TMEM135: variants seen among roughly 807,000 people sequenced by gnomAD.
TMEM135 encodes transmembrane protein 135, also known as peroxisomal membrane protein 52.
Under a neutral mutation model 60.3 loss-of-function variants are expected in TMEM135, and 30 were observed. The ratio of observed to expected loss-of-function variants is 0.50; its 90% CI spans 0.37 to 0.68. The LOEUF (loss-of-function observed/expected upper bound fraction) is 0.68, where lower values mean the gene tolerates loss of function less well. TMEM135 is among the 30% of genes least tolerant of loss of function. The pLI, the probability that TMEM135 is intolerant of heterozygous loss-of-function variation, is 0.00. For missense variants in TMEM135, 468 were observed against 548.8 expected, an observed-to-expected ratio of 0.85 and a Z score of 1.47; for synonymous variants, 190 against 186.7, an observed-to-expected ratio of 1.02 and a Z score of -0.14.
At chr11:87,214,141 A>C (rs1211409432) in intron 5 of TMEM135, among the ~76,000 whole-genome samples, 1 of 152,160 alleles carries the variant, frequency 6.6e-6, no homozygotes, top group Non-Finnish European at 1.5e-5. Context: ...TCTGAGTCTT[A>C]ATTCTTTAAT....
intron 5 of TMEM135, among the ~76,000 whole-genome samples, chr11:87,167,665 A>T (rs1167713301): frequency 6.6e-6 from 1 of 152,074 alleles, no homozygotes; most frequent in Non-Finnish European, 1.5e-5. Flanking sequence ...AGCTGACTTG[A>T]TCATGGTGGA....
chr11:87,179,299 G>C (rs1461988536), intron 5 of TMEM135, among the ~76,000 whole-genome samples: 1 of 151,962 alleles, frequency 6.6e-6, no homozygotes, highest in Non-Finnish European at 1.5e-5. Context: ...ATAGGATTTG[G>C]GAATATATTT....
chr11:87,205,998 A>T (rs1000559330), intron 5 of TMEM135, among the ~76,000 whole-genome samples: 4 of 152,134 alleles, frequency 2.6e-5, no homozygotes, highest in African/African-American at 9.7e-5. Context: ...AATTATAATA[A>T]ATCTTTGTTT....
At chr11:87,261,658 T>G (rs1941654151) in intron 6 of TMEM135, among the ~76,000 whole-genome samples, 1 of 152,134 alleles carries the variant, frequency 6.6e-6, no homozygotes, top group Non-Finnish European at 1.5e-5. Context: ...GAGACTCGCT[T>G]TCATTTACCC....
intron 4 of TMEM135, among the ~76,000 whole-genome samples, chr11:87,124,640 T>A (rs1937675494): frequency 6.6e-6 from 1 of 152,206 alleles, no homozygotes; most frequent in Non-Finnish European, 1.5e-5. Context: ...TGTGTTGATA[T>A]ATCCTGATAT....
intron 4 of TMEM135, among the ~76,000 whole-genome samples, chr11:87,130,388 T>C (rs1937890447): frequency 6.6e-6 from 1 of 152,206 alleles, no homozygotes; most frequent in African/African-American, 2.4e-5. Context: ...AGGGCCTGGA[T>C]GAACAAACTG....
intron 5 of TMEM135, among the ~76,000 whole-genome samples, chr11:87,199,286 G>C (rs541541417): frequency 2.0e-5 from 3 of 152,320 alleles, no homozygotes; most frequent in Non-Finnish European, 4.4e-5. Flanking sequence ...GAAGAGGGTA[G>C]GTTAGAGGGA....
At chr11:87,115,380 A>G (rs2512493) in intron 4 of TMEM135, among the ~76,000 whole-genome samples, 104,894 of 151,992 alleles carry the variant, frequency 0.69, 37,546 homozygotes, top group East Asian at 0.88. Context: ...CTATCCTTAC[A>G]TTTCAAGTAG....
chr11:87,211,457 G>C (rs887717960), intron 5 of TMEM135, among the ~76,000 whole-genome samples: 4 of 152,166 alleles, frequency 2.6e-5, no homozygotes, highest in Non-Finnish European at 5.9e-5. Flanking sequence ...ATCAGGGAAA[G>C]AACATAGAAG....
intron 1 of TMEM135, among the ~76,000 whole-genome samples, chr11:87,040,554 C>G (rs146716482): frequency 6.6e-6 from 1 of 151,644 alleles, no homozygotes; most frequent in African/African-American, 2.4e-5. Flanking sequence ...CCCAGCTACT[C>G]GGGAGGCTGA....
intron 5 of TMEM135, among the ~76,000 whole-genome samples, chr11:87,227,679 C>T (rs1940794226): frequency 6.6e-6 from 1 of 151,986 alleles, no homozygotes; most frequent in African/African-American, 2.4e-5. Flanking sequence ...ACATATAAGA[C>T]AAGTAAATAT....
intron 5 of TMEM135, among the ~76,000 whole-genome samples, chr11:87,236,111 AACAG>A (rs1342819324): frequency 1.3e-5 from 2 of 151,952 alleles, no homozygotes; most frequent in African/African-American, 2.4e-5. Flanking sequence ...TAGGCTTTCT[AACAG>A]ACAGTTAAAA....
At chr11:87,142,889 ATCATT>A (rs1198000024) in intron 4 of TMEM135, among the ~76,000 whole-genome samples, 1 of 149,192 alleles carries the variant, frequency 6.7e-6, no homozygotes, top group African/African-American at 2.5e-5. Flanking sequence ...GTTTTTGACA[ATCATT>A]TCATTTTTTT....
chr11:87,212,655 G>A (rs1940399345), intron 5 of TMEM135, among the ~76,000 whole-genome samples: 1 of 151,716 alleles, frequency 6.6e-6, no homozygotes, highest in Non-Finnish European at 1.5e-5. Context: ...AACCCTGTCT[G>A]CACCAAAAAT....
intron 3 of TMEM135, among the ~76,000 whole-genome samples, chr11:87,087,267 G>T (rs1449345138): frequency 6.9e-6 from 1 of 144,852 alleles, no homozygotes; most frequent in African/African-American, 2.6e-5. Context: ...GCTTGGTTTG[G>T]TTAGCACCTT....
At chr11:87,211,777 T>C (rs561662222) in intron 5 of TMEM135, among the ~76,000 whole-genome samples, 1 of 152,224 alleles carries the variant, frequency 6.6e-6, no homozygotes, top group Admixed American at 6.5e-5. Context: ...ACCCCGTCTC[T>C]ACTAAAAATA....
At chr11:87,054,028 T>A (rs2513232) in intron 1 of TMEM135, among the ~76,000 whole-genome samples, 86,747 of 152,146 alleles carry the variant, frequency 0.57, 26,385 homozygotes, top group East Asian at 0.81. Context: ...TGGTGAATTG[T>A]TCTTACATAT....
At chr11:87,084,707 AAAG>A (rs1442346153) in intron 3 of TMEM135, among the ~76,000 whole-genome samples, 1 of 152,242 alleles carries the variant, frequency 6.6e-6, no homozygotes, top group Non-Finnish European at 1.5e-5. Flanking sequence ...TAGATAAATA[AAAG>A]AAGGGAACAA....
intron 4 of TMEM135, among the ~76,000 whole-genome samples, chr11:87,144,620 G>A (rs1487604174): frequency 6.6e-6 from 1 of 152,020 alleles, no homozygotes; most frequent in African/African-American, 2.4e-5. Flanking sequence ...AATGAAGAAA[G>A]TATTACCTTT....
Sources: allele counts gnomAD v4.1 joint callset (sites outside exome capture counted in the v4.1 genomes callset), GRCh38; gene constraint gnomAD v4.1.1; transcripts MANE v1.5; gene names NCBI Gene and HGNC (gene_info 2026-07-23, HGNC 2026-07-21).